SLC8A1: variants seen among roughly 807,000 people sequenced by gnomAD.
SLC8A1 encodes sodium/calcium exchanger 1.
SLC8A1 carries 18 observed loss-of-function variants against 68.3 expected under a neutral mutation model. The observed-to-expected ratio is 0.26, with a 90% CI of 0.18 to 0.39. SLC8A1 has a LOEUF of 0.39. Ranked by LOEUF, SLC8A1 falls within the 10% of genes least tolerant of loss-of-function variation. SLC8A1 has a pLI of 1.00. For missense variants in SLC8A1, 985 were observed against 1,156.7 expected (o/e 0.85, Z 2.15); for synonymous variants, 475 against 415.5 (o/e 1.14, Z -1.74).
At chr2:40,291,247 C>T (rs2069253559) in intron 2 of SLC8A1, among the ~76,000 whole-genome samples, 1 of 152,056 alleles carries the variant, frequency 6.6e-6, no homozygotes, top group Non-Finnish European at 1.5e-5. Context: ...AAATGTCAAG[C>T]CACAGATGAA....
At chr2:40,265,937 T>C (rs1338249117) in intron 2 of SLC8A1, among the ~76,000 whole-genome samples, 1 of 152,134 alleles carries the variant, frequency 6.6e-6, no homozygotes, top group East Asian at 1.9e-4. Context: ...CAAGGCCAAA[T>C]GCTTCCAATC....
intron 2 of SLC8A1, 43 bp downstream of exon 2, chr2:40,428,429 AC>A: frequency 2.3e-6 from 1 of 439,080 alleles, no homozygotes; most frequent in East Asian, 3.5e-5. Flanking sequence ...TGAACCACAC[AC>A]ACACACACAC....
chr2:40,118,897 C>T (rs2036157191), intron 7 of SLC8A1, among the ~76,000 whole-genome samples: 2 of 152,026 alleles, frequency 1.3e-5, no homozygotes, highest in African/African-American at 4.8e-5. Flanking sequence ...GCACCTGATA[C>T]ATTGCACACT....
chr2:40,394,582 C>A (rs1190744381), intron 2 of SLC8A1, among the ~76,000 whole-genome samples: 1 of 151,840 alleles, frequency 6.6e-6, no homozygotes, highest in East Asian at 1.9e-4. Flanking sequence ...TAGTGGATGC[C>A]TACTACATAT....
intron 2 of SLC8A1, among the ~76,000 whole-genome samples, chr2:40,421,220 T>G (rs748851521): frequency 7.2e-5 from 11 of 151,964 alleles, no homozygotes; most frequent in Non-Finnish European, 1.3e-4. Flanking sequence ...CTACCACCAT[T>G]ACCAATATAT....
At chr2:40,336,243 G>A (rs753414061) in intron 2 of SLC8A1, among the ~76,000 whole-genome samples, 17 of 152,122 alleles carry the variant, frequency 1.1e-4, no homozygotes, top group Non-Finnish European at 2.2e-4. Flanking sequence ...CATTGTAATT[G>A]CCTGTCCTTC....
chr2:40,164,707 G>A (rs1250735495), intron 5 of SLC8A1, 147 bp downstream of exon 8: 4 of 1,018,604 alleles, frequency 3.9e-6, no homozygotes, highest in Non-Finnish European at 5.8e-6. Flanking sequence ...ATTCCAATTT[G>A]GCCCCAAAGG....
chr2:40,495,030 C>T (rs1446086230), intron 1 of SLC8A1, among the ~76,000 whole-genome samples: 1 of 150,792 alleles, frequency 6.6e-6, no homozygotes, highest in Non-Finnish European at 1.5e-5. Context: ...GGTTTGGTAC[C>T]CAAAAAAATC....
At chr2:40,129,244 T>TC (rs2038814844) in intron 7 of SLC8A1, among the ~76,000 whole-genome samples, 1 of 151,804 alleles carries the variant, frequency 6.6e-6, no homozygotes. Flanking sequence ...ATTTTTTTTT[T>TC]TTTTTGAGAC....
rs578187544 is a variant in SLC8A1, at chr2:40,435,995, A to T, written c.-24-5691T>A. Reference sequence around the variant, plus strand: ...TAGAGACAGGGTTTCACCATGTTGAACTCCTGACCTTAGGTAATCTGCCTG... The same window carrying T: ...TAGAGACAGGGTTTCACCATGTTGATCTCCTGACCTTAGGTAATCTGCCTG... On this transcript the variant is annotated intron_variant, in intron 1 of 7. Transcript: ENST00000406785. Among the ~76,000 whole-genome samples, 4 of 145,660 alleles carry T rather than the reference A, an allele frequency of 2.7e-5. No homozygotes were observed. In the East Asian group the frequency reaches 6.4e-4, roughly 23 times the overall value.
chr2:40,106,892 T>G (rs1007866489), exon 8 of SLC8A1: 20 of 152,184 alleles, frequency 1.3e-4, no homozygotes, highest in African/African-American at 4.8e-4. Flanking sequence ...GGTATTGACA[T>G]TACTGCCCCT....
At chr2:40,365,436 T>C (rs1675849702) in intron 2 of SLC8A1, among the ~76,000 whole-genome samples, 1 of 152,130 alleles carries the variant, frequency 6.6e-6, no homozygotes, top group South Asian at 2.1e-4. Flanking sequence ...TTGGTATTCA[T>C]ATATAACAGA....
At chr2:40,215,171 ATAT>A (rs1018556024) in intron 2 of SLC8A1, among the ~76,000 whole-genome samples, 1 of 151,952 alleles carries the variant, frequency 6.6e-6, no homozygotes, top group African/African-American at 2.4e-5. Flanking sequence ...ATTATTATTA[ATAT>A]TATTATCTTT....
chr2:40,312,192 GAGCTT>G (rs1187527558), intron 2 of SLC8A1, among the ~76,000 whole-genome samples: 1 of 152,106 alleles, frequency 6.6e-6, no homozygotes, highest in Non-Finnish European at 1.5e-5. Flanking sequence ...CACACTTGCT[GAGCTT>G]ATTGTTATCC....
intron 2 of SLC8A1, among the ~76,000 whole-genome samples, chr2:40,358,097 C>T (rs1314591745): frequency 6.7e-6 from 1 of 149,736 alleles, no homozygotes; most frequent in Non-Finnish European, 1.5e-5. Flanking sequence ...GGTGACCTAG[C>T]CCTCATTCCT....
At chr2:40,474,817 T>C (rs559685349) in intron 1 of SLC8A1, among the ~76,000 whole-genome samples, 2 of 152,358 alleles carry the variant, frequency 1.3e-5, no homozygotes, top group African/African-American at 2.4e-5. Context: ...AAACTTTTCA[T>C]TGGTTTCCAT....
At chr2:40,304,600 C>T (rs754530602) in intron 2 of SLC8A1, among the ~76,000 whole-genome samples, 1 of 152,130 alleles carries the variant, frequency 6.6e-6, no homozygotes, top group Non-Finnish European at 1.5e-5. Context: ...TTGTCAGCCT[C>T]CTTTTCAGCG....
At chr2:40,430,297 A>C in exon 2 of SLC8A1, 1 of 1,589,138 alleles carries the variant, frequency 6.3e-7, no homozygotes, top group Non-Finnish European at 8.6e-7. Flanking sequence ...TCCAACTGTC[A>C]CAACCTACTG....
intron 2 of SLC8A1, among the ~76,000 whole-genome samples, chr2:40,347,366 G>A (rs1443332627): frequency 1.3e-5 from 2 of 152,186 alleles, no homozygotes; most frequent in Non-Finnish European, 2.9e-5. Context: ...AACCTCATAT[G>A]CCATGCTTCT....
Sources: gnomAD v4.1 joint callset for allele counts (sites outside exome capture counted in the v4.1 genomes callset) on GRCh38, gnomAD v4.1.1 for gene constraint, MANE v1.5 for transcripts, NCBI Gene and HGNC (gene_info 2026-07-23, HGNC 2026-07-21) for gene names.